Variants in CD3D observed in about 807,000 individuals in gnomAD.
CD3D encodes the protein T-cell surface glycoprotein CD3 delta chain.
In CD3D, 22 loss-of-function variants were observed where a neutral mutation model predicts 22.0. The ratio of observed to expected loss-of-function variants is 1.00; its 90% confidence interval spans 0.71 to 1.43. CD3D has a LOEUF of 1.43. Ranked by LOEUF, CD3D falls within the 40% of genes most tolerant of loss-of-function variation. The pLI, the probability that CD3D is intolerant of heterozygous loss-of-function variation, is 0.00. For synonymous variants in CD3D, 74 were observed against 81.2 expected (o/e 0.91, Z 0.48); for missense variants, 205 against 211.7 (o/e 0.97, Z 0.20).
intron 4 of CD3D, 27 bp from the exon 5 acceptor site, chr11:118,339,254 A>G (rs781522024): frequency 1.0e-5 from 16 of 1,604,696 alleles, no homozygotes; most frequent in African/African-American, 1.3e-5. Context: ...GAAAACGGTC[A>G]GGAGGCAGGG....
chr11:118,341,084 A>C, intron 1 of CD3D: 1 of 400,254 alleles, frequency 2.5e-6, no homozygotes, highest in Non-Finnish European at 5.1e-6. Context: ...TGCTCCATTG[A>C]CAACCAAGAA....
chr11:118,340,633 G>T, intron 1 of CD3D, 40 bp from the exon 2 acceptor site: 1 of 1,397,528 alleles, frequency 7.2e-7, no homozygotes, highest in Non-Finnish European at 1.0e-6. Flanking sequence ...ACAGCTCTTT[G>T]ATCTGCACCA....
In CD3D at chr11:118,340,475, C is replaced by T. The variant is rs1213352686; in HGVS notation, c.174G>A (p.Leu58=). Residue 58 remains leucine (L), a synonymous_variant, in exon 2 of 5, where the codon CTG becomes CTA. Transcript: ENST00000300692. Reference sequence around the variant, plus strand: ...GGTCCAGGATGCGTTTTCCCAGGTCCAGTCTTGTAATGTCTGAGAGCAGTG... The same window carrying T: ...GGTCCAGGATGCGTTTTCCCAGGTCTAGTCTTGTAATGTCTGAGAGCAGTG... ...VGTLLSDITR[L]DLGKRILDPR... 6.2e-7 allele frequency: 1 copy of T among 1,613,944 alleles called. No individual in the cohort carries two copies. Among genetic ancestry groups the T allele is most frequent in the African/African-American group, 1.3e-5 (1 of 74,980 alleles).
chr11:118,340,481 TG>T lies in CD3D; in HGVS notation c.167del (p.Thr56LysfsTer88), dbSNP rs766581002. 1 of 1,614,034 alleles carries T rather than the reference TG, an allele frequency of 6.2e-7. No individual in the cohort carries two copies. The highest frequency in any genetic ancestry group is 2.2e-5 in the East Asian group (1 of 44,868). On this transcript the variant is annotated frameshift_variant, in exon 2 of 5. Transcript: ENST00000300692. LOFTEE classifies it high-confidence loss of function. Reference protein sequence around the residue: ...GTVGTLLSDITRLDLGKRILD... With the variant: ...GTVGTLLSDIXRLDLGKRILD... ...GGATGCGTTTTCCCAGGTCCAGTCTTGTAATGTCTGAGAGCAGTGTTCCCAC... is the reference window on the plus strand; with the variant it reads ...GGATGCGTTTTCCCAGGTCCAGTCTTTAATGTCTGAGAGCAGTGTTCCCAC...
chr11:118,339,771 T>A lies in CD3D; in HGVS notation c.406+4A>T, dbSNP rs1385969132. ...ACACTCTCATGCTCTGCTCTTCCAC[T>A]AACCCCCAGACAGCCTTCCAGTCTC... On this transcript the variant is annotated splice_donor_region_variant and intron_variant, in intron 3 of 4. Coordinates refer to ENST00000300692, the MANE Select transcript of CD3D (RefSeq NM_000732.6). 3.1e-6 allele frequency: 5 copies of A among 1,612,246 alleles called. No homozygotes were observed. Among genetic ancestry groups the A allele is most frequent in the Non-Finnish European group, 4.2e-6 (5 of 1,179,556 alleles).
chr11:118,342,111 T>TCCTGCC (rs1948304439), intron 1 of CD3D, among the ~76,000 whole-genome samples: 1 of 151,834 alleles, frequency 6.6e-6, no homozygotes, highest in Non-Finnish European at 1.5e-5. Flanking sequence ...CTATGCTACA[T>TCCTGCC]CCTGCCCCTG....
chr11:118,342,175 CTTT>C (rs56058731), intron 1 of CD3D, among the ~76,000 whole-genome samples: 3 of 144,810 alleles, frequency 2.1e-5, no homozygotes, highest in Non-Finnish European at 3.0e-5. Flanking sequence ...CCGAGAAGCA[CTTT>C]TTTTTTTTTT....
At chr11:118,341,430 G>C (rs927464099) in intron 1 of CD3D, among the ~76,000 whole-genome samples, 1 of 152,124 alleles carries the variant, frequency 6.6e-6, no homozygotes, top group Non-Finnish European at 1.5e-5. Flanking sequence ...CCAAACACAG[G>C]GAAAAGTGGA....
chr11:118,339,541 T>C, intron 3 of CD3D, 47 bp from the exon 4 acceptor site: 1 of 1,609,634 alleles, frequency 6.2e-7, no homozygotes, highest in East Asian at 2.2e-5. Context: ...GATGGGACTG[T>C]GAGATCCACC....
chr11:118,339,658 G>A (rs1203151428), intron 3 of CD3D, 117 bp downstream of exon 3: 18 of 1,570,404 alleles, frequency 1.1e-5, no homozygotes, highest in Non-Finnish European at 1.5e-5. Context: ...TCCCAGCTGA[G>A]ACTAAACCTA....
Position 118,342,562 on chromosome 11 carries a change from G to A in CD3D, c.46C>T (p.Leu16Phe), listed in dbSNP as rs1449040308. 6.2e-7 allele frequency: 1 copy of A among 1,613,748 alleles called. No individual in the cohort carries two copies. The highest frequency in any genetic ancestry group is 8.5e-7 in the Non-Finnish European group (1 of 1,179,728). ...CCTGGAGTAGCCTTACCTTGCGAGA[G>A]AAGGGTAGCCAGTACCAGGCCAGAG... ...FLSGLVLATL[L>F]SQVSPFKIPI... Residue 16 changes from leucine (L) to phenylalanine (F), a missense_variant, in exon 1 of 5, where the codon CTC becomes TTC. Leu to Phe is a conservative substitution (Grantham distance 22). Transcript: ENST00000300692.
intron 3 of CD3D, 63 bp from the exon 4 acceptor site, chr11:118,339,557 A>G: frequency 1.3e-6 from 2 of 1,599,102 alleles, no homozygotes; most frequent in Non-Finnish European, 1.7e-6. Flanking sequence ...CCACCCTCCC[A>G]CACCCTCAGA....
chr11:118,341,408 C>T (rs1948298844), intron 1 of CD3D, among the ~76,000 whole-genome samples: 1 of 152,198 alleles, frequency 6.6e-6, no homozygotes, highest in African/African-American at 2.4e-5. Context: ...AGAGGCACTA[C>T]AGTCTATGCC....
chr11:118,340,257 A>G lies in CD3D; in HGVS notation c.274+118T>C, dbSNP rs879439218. 18 of 849,098 alleles carry G rather than the reference A, an allele frequency of 2.1e-5. No homozygotes were observed. The Admixed American group carries it at 3.4e-4, about 16-fold the overall frequency. 52.6% of individuals were successfully genotyped at this position (849,098 alleles called of 1,614,324 possible). ...CCCAAATCTGGCTTGTACCATTACA[A>G]TAGTGACCTCACTTTGTTTAGAGAA... On this transcript the variant is annotated intron_variant, in intron 2 of 4. Coordinates refer to ENST00000300692, the MANE Select transcript of CD3D (RefSeq NM_000732.6).
At chr11:118,338,977 A>G (rs1056836038), downstream of CD3D, 6 of 665,172 alleles carry the variant, frequency 9.0e-6, no homozygotes, top group Admixed American at 1.0e-4. Context: ...AAGGAAGGAG[A>G]TGAAGGAAGA....
In CD3D at chr11:118,339,479, G is replaced by C; in HGVS notation, c.422C>G (p.Ala141Gly). ...GRLSGAADTQ[A>G]LLRNDQVYQP... is the part of the protein sequence containing the mutation. ...ATAGACCTGGTCATTCCTCAACAGA[G>C]CTTGTGTGTCGGCAGCTAGAAGAAC... The change falls in exon 4 of 5, where the codon GCT becomes GGT. Residue 141 changes from alanine to glycine, a missense_variant. Coordinates refer to ENST00000300692, the MANE Select transcript of CD3D (RefSeq NM_000732.6). 6.2e-7 allele frequency: 1 copy of C among 1,614,088 alleles called. No homozygotes were observed. The highest frequency in any genetic ancestry group is 2.2e-5 in the East Asian group (1 of 44,870).
intron 1 of CD3D, among the ~76,000 whole-genome samples, chr11:118,341,988 C>G (rs559442525): frequency 6.6e-6 from 1 of 152,088 alleles, no homozygotes; most frequent in African/African-American, 2.4e-5. Context: ...CAGGTACATA[C>G]GTACTGAGCT....
chr11:118,340,053 C>A, intron 2 of CD3D, 147 bp from the exon 3 acceptor site: 1 of 923,874 alleles, frequency 1.1e-6, no homozygotes, highest in South Asian at 1.4e-5. Flanking sequence ...GATGGGCTTG[C>A]CACACCTTCC....
At chr11:118,339,993 T>C in intron 2 of CD3D, 87 bp from the exon 3 acceptor site, 1 of 1,548,502 alleles carries the variant, frequency 6.5e-7, no homozygotes, top group South Asian at 1.1e-5. Context: ...CCCTTAGATC[T>C]CTTATGCCAA....
Sources: allele counts gnomAD v4.1 joint callset (sites outside exome capture counted in the v4.1 genomes callset), GRCh38; gene constraint gnomAD v4.1.1; transcripts MANE v1.5; gene names NCBI Gene and HGNC (gene_info 2026-07-23, HGNC 2026-07-21).